TOP1MT: variants seen among roughly 807,000 people sequenced by gnomAD.
TOP1MT encodes the protein DNA topoisomerase I, mitochondrial.
A neutral mutation model predicts 73.9 loss-of-function variants in TOP1MT; 80 were observed. That is an observed-to-expected ratio of 1.08 (90% CI 0.90 to 1.30). TOP1MT has a LOEUF of 1.30. TOP1MT is among the 50% of genes most tolerant of loss of function. The pLI is 0.00. For synonymous variants in TOP1MT, 338 were observed against 326.4 expected, an observed-to-expected ratio of 1.04 and a Z score of -0.38; for missense variants, 815 against 808.0, an observed-to-expected ratio of 1.01 and a Z score of -0.10.
upstream of TOP1MT, among the ~76,000 whole-genome samples, chr8:143,337,065 G>T (rs1446232677): frequency 6.6e-6 from 1 of 152,184 alleles, no homozygotes; most frequent in Non-Finnish European, 1.5e-5. Flanking sequence ...ATTGCCCAAA[G>T]AAATTAAAGA....
chr8:143,326,329 C>T lies in TOP1MT; in HGVS notation c.376G>A (p.Glu126Lys), dbSNP rs771915752. ...TCCAGGCTCTTGATGACTTCCCTCT[C>T]TTCCACCGCCATTTCCTGCAAAAAC... The part of the protein sequence containing the change: ...NDWRKEMAVE[E>K]REVIKSLDKC... Residue 126 changes from glutamate to lysine, a missense_variant, in exon 4 of 14, where the codon GAG (glutamate) becomes AAG (lysine). Glu to Lys is a moderately conservative substitution (Grantham distance 56). Coordinates refer to ENST00000329245, the MANE Select transcript of TOP1MT (RefSeq NM_052963.3). 3 of 1,614,028 alleles carry T rather than the reference C, an allele frequency of 1.9e-6. No homozygotes were observed. The highest frequency in any genetic ancestry group is 1.7e-6 in the Non-Finnish European group (2 of 1,180,014).
In TOP1MT at chr8:143,342,430, GTTA is replaced by G. The variant is rs1201045124; in HGVS notation, c.29+787_29+789del. On this transcript the variant is annotated intron_variant, in intron 2 of 5. Coordinates refer to the TOP1MT transcript ENST00000518007. ...ATTATTAGAGACAGAGTCTCGCTCTGTTATTATTATTATTATTAGAGACAGAGT... is the reference window on the plus strand; with the variant it reads ...ATTATTAGAGACAGAGTCTCGCTCTGTTATTATTATTATTAGAGACAGAGT... Among the ~76,000 whole-genome samples the G allele has an allele frequency of 2.9e-3, 307 of 107,660 alleles. 30 individuals carry two copies. Among genetic ancestry groups the G allele is most frequent in the African/African-American group, 0.014 (223 of 15,678 alleles). 70.6% of individuals were successfully genotyped at this position (107,660 alleles called of 152,430 possible). A position where few individuals can be genotyped will look rare whatever the true frequency, so the allele number is the denominator to read the frequency against.
intron 1 of TOP1MT, chr8:143,331,848 C>G (rs7007455): frequency 0.04 from 6,296 of 157,606 alleles, 441 homozygotes; most frequent in African/African-American, 0.14. Flanking sequence ...CCGCCGCCCA[C>G]AGAGGATCGG....
intron 8 of TOP1MT, among the ~76,000 whole-genome samples, chr8:143,320,809 G>A (rs769682997): frequency 4.6e-5 from 7 of 152,168 alleles, no homozygotes; most frequent in Non-Finnish European, 8.8e-5. Flanking sequence ...GATCCTCCCC[G>A]AGTGTGGGCG....
intron 2 of TOP1MT, among the ~76,000 whole-genome samples, chr8:143,342,774 C>A (rs28507311): frequency 3.3e-4 from 25 of 76,408 alleles, no homozygotes; most frequent in Admixed American, 7.4e-4. Flanking sequence ...CAGAGTCTTG[C>A]TCTATTATTA....
At position 143,324,055 on chromosome 8, in the gene TOP1MT, T is replaced by C; in HGVS notation, c.904A>G (p.Lys302Glu). The change falls in exon 7 of 14, where the codon AAG becomes GAG. Residue 302 changes from lysine (K) to glutamate (E), a missense_variant. Coordinates refer to ENST00000329245, the MANE Select transcript of TOP1MT (RefSeq NM_052963.3). ...EIRSQYRADWKSREMKTRQRA... is the reference protein window; with the variant it reads ...EIRSQYRADWESREMKTRQRA... ...TGTCTCGTCTTCATTTCCCGAGACT[T>C]CCAGTCAGCCCGGTACTGGGAGCGG... is the stretch of plus-strand genomic sequence containing the variant. 6.2e-7 allele frequency: 1 copy of C among 1,613,878 alleles called. No individual in the cohort carries two copies. Among genetic ancestry groups the C allele is most frequent in the Non-Finnish European group, 8.5e-7 (1 of 1,180,036 alleles).
chr8:143,315,697 G>A, intron 12 of TOP1MT, 30 bp downstream of exon 12: 7 of 1,594,992 alleles, frequency 4.4e-6, no homozygotes, highest in South Asian at 1.1e-5. Flanking sequence ...AGGGCCCCGG[G>A]AGAAGGCGTC....
At chr8:143,338,784 C>T (rs572092715), upstream of TOP1MT, among the ~76,000 whole-genome samples, 1 of 152,286 alleles carries the variant, frequency 6.6e-6, no homozygotes, top group African/African-American at 2.4e-5. Flanking sequence ...ACCCACTGCA[C>T]AAGGCCAGAG....
rs1318607295 is a variant in TOP1MT, at chr8:143,341,812, GCTTCCTT to G, written c.29+1401_29+1407del. Among the ~76,000 whole-genome samples the G allele has an allele frequency of 1.3e-5, 2 of 151,482 alleles. No individual in the cohort carries two copies. The highest frequency in any genetic ancestry group is 6.6e-5 in the Admixed American group (1 of 15,226). ...TCCCGACACCACTGCCCCATCTAGTGCTTCCTTCTTCCTTCTTCTTCCTCTTCTTCCT... is the reference window on the plus strand; with the variant it reads ...TCCCGACACCACTGCCCCATCTAGTGCTTCCTTCTTCTTCCTCTTCTTCCT... On this transcript the variant is annotated intron_variant, in intron 2 of 5. Transcript: ENST00000518007. The surrounding 1 kb of genome is among the most constrained non-coding windows in gnomAD (Gnocchi z 4.1).
chr8:143,340,566 C>CT (rs1408973176), intron 2 of TOP1MT, among the ~76,000 whole-genome samples: 1 of 152,072 alleles, frequency 6.6e-6, no homozygotes, highest in Non-Finnish European at 1.5e-5. Flanking sequence ...CTGCCCTGAG[C>CT]TTTCTCTTCT....
intron 1 of TOP1MT, chr8:143,343,321 T>C (rs566749773): frequency 1.8e-5 from 8 of 454,214 alleles, no homozygotes; most frequent in South Asian, 1.2e-4. Flanking sequence ...CATGCAGCTC[T>C]GCGGCTCATT....
upstream of TOP1MT, among the ~76,000 whole-genome samples, chr8:143,338,794 G>T (rs1352038641): frequency 6.6e-6 from 1 of 152,170 alleles, no homozygotes; most frequent in Non-Finnish European, 1.5e-5. Context: ...CAAGGCCAGA[G>T]ACACAGTTGG....
intron 2 of TOP1MT, among the ~76,000 whole-genome samples, chr8:143,329,923 G>C (rs112966314): frequency 1.8e-3 from 254 of 141,466 alleles, no homozygotes; most frequent in African/African-American, 7.4e-3. Flanking sequence ...TTTATTCTAA[G>C]ATCAGTGTGG....
intron 1 of TOP1MT, among the ~76,000 whole-genome samples, chr8:143,350,632 C>T (rs895283238): frequency 2.0e-5 from 3 of 152,108 alleles, no homozygotes; most frequent in Non-Finnish European, 4.4e-5. Flanking sequence ...GCACCCAGCC[C>T]ACTATCACAC....
upstream of TOP1MT, chr8:143,359,330 G>A (rs965299012): frequency 2.0e-6 from 2 of 985,406 alleles, no homozygotes; most frequent in Admixed American, 6.2e-5. Context: ...ACCACGCCAG[G>A]AGAAGAGAAG....
At chr8:143,331,648 G>C (rs1816858936) in intron 1 of TOP1MT, 1 of 278,102 alleles carries the variant, frequency 3.6e-6, no homozygotes, top group Non-Finnish European at 6.9e-6. Context: ...CCTCTCCCAG[G>C]CTCTAGGGCC....
chr8:143,336,195 T>C (rs919490844), upstream of TOP1MT, among the ~76,000 whole-genome samples: 1 of 152,126 alleles, frequency 6.6e-6, no homozygotes, highest in African/African-American at 2.4e-5. Context: ...AGAGATGGGG[T>C]CTCCCTATGT....
chr8:143,315,186 G>A (rs891951826), intron 12 of TOP1MT, among the ~76,000 whole-genome samples: 11 of 152,136 alleles, frequency 7.2e-5, no homozygotes, highest in African/African-American at 1.4e-4. Flanking sequence ...AGGCTCGCCC[G>A]CAGTTATCCG....
At chr8:143,315,028 G>A (rs1258899725) in intron 12 of TOP1MT, among the ~76,000 whole-genome samples, 2 of 152,134 alleles carry the variant, frequency 1.3e-5, no homozygotes, top group African/African-American at 4.8e-5. Context: ...GATGCCTATT[G>A]CCAGGCCAAC....
Sources: gnomAD v4.1 joint callset for allele counts (sites outside exome capture counted in the v4.1 genomes callset) on GRCh38, gnomAD v4.1.1 for gene constraint, Gnocchi (gnomAD v3.1) non-coding constraint, MANE v1.5 for transcripts, NCBI Gene and HGNC (gene_info 2026-07-23, HGNC 2026-07-21) for gene names.